Variants in LIPG observed in about 807,000 individuals in gnomAD.
LIPG encodes lipase G, endothelial type, also known as endothelial lipase.
Under a neutral mutation model 51.8 loss-of-function variants are expected in LIPG, and 34 were observed. The ratio of observed to expected loss-of-function variants is 0.66; its 90% CI spans 0.50 to 0.87. LIPG has a LOEUF of 0.87. Ranked by LOEUF, LIPG falls within the 40% of genes least tolerant of loss-of-function variation. The pLI is 0.00. For synonymous variants in LIPG, 246 were observed against 246.1 expected (o/e 1.00, Z 0.00); for missense variants, 580 against 652.7 (o/e 0.89, Z 1.21).
chr18:49,572,935 C>T (rs1048685471), intron 4 of LIPG, among the ~76,000 whole-genome samples: 17 of 152,156 alleles, frequency 1.1e-4, no homozygotes, highest in East Asian at 1.9e-4. Context: ...AGGCAGTTCT[C>T]CCTGTCATTC....
intron 5 of LIPG, among the ~76,000 whole-genome samples, chr18:49,579,769 T>TTTCCTTTCCTTTCCTTTCCTTTCC (rs1568533484): frequency 7.1e-5 from 2 of 27,988 alleles, no homozygotes; most frequent in African/African-American, 3.3e-4. Flanking sequence ...CTTTCCTTTC[T>TTTCCTTTCCTTTCCTTTCCTTTCC]TTTCTTTTCT....
chr18:49,563,877 AT>A (rs1225146005), intron 1 of LIPG, among the ~76,000 whole-genome samples: 7 of 152,126 alleles, frequency 4.6e-5, no homozygotes, highest in Non-Finnish European at 1.5e-5. Context: ...ATGTGGGTTT[AT>A]CCGCAGATCT....
Position 49,562,066 on chromosome 18 carries a change from T to G in LIPG, c.-243T>G, listed in dbSNP as rs2084555254. On this transcript the variant is annotated 5_prime_UTR_variant, in exon 1 of 10. Coordinates refer to ENST00000261292, the MANE Select transcript of LIPG (RefSeq NM_006033.4). Reference sequence around the variant, plus strand: ...TCTATAGGAGCGTGACAGCAGCGAGTCCTTGCCTCCCGGCGGCTCAGGACG... The same window carrying G: ...TCTATAGGAGCGTGACAGCAGCGAGGCCTTGCCTCCCGGCGGCTCAGGACG... The G allele has an allele frequency of 8.3e-6, 12 of 1,440,046 alleles. No individual in the cohort carries two copies. The highest frequency in any genetic ancestry group is 5.7e-5 in the Admixed American group (2 of 35,216). The allele number at this position is 1,440,046 out of a possible 1,614,324, so 89.2% of individuals were successfully genotyped here.
At chr18:49,562,649 C>A (rs1381975057) in intron 1 of LIPG, among the ~76,000 whole-genome samples, 1 of 151,978 alleles carries the variant, frequency 6.6e-6, no homozygotes, top group African/African-American at 2.4e-5. Flanking sequence ...AGCCCTCCCA[C>A]CCCCACCTCC....
chr18:49,582,546 G>A, intron 7 of LIPG, 64 bp downstream of exon 7: 1 of 1,602,294 alleles, frequency 6.2e-7, no homozygotes, highest in South Asian at 1.1e-5. Context: ...GAATGAGAGA[G>A]CACAAGGGAG....
intron 8 of LIPG, 37 bp downstream of exon 8, chr18:49,583,811 G>A: frequency 6.4e-7 from 1 of 1,557,124 alleles, no homozygotes; most frequent in Non-Finnish European, 8.8e-7. Flanking sequence ...CCTGGTGTAG[G>A]TGGGGAACAG....
Position 49,594,917 on chromosome 18 carries a change from C to T in LIPG, c.*4395C>T, listed in dbSNP as rs1238456349. 1 of 152,084 alleles carries T rather than the reference C, an allele frequency of 6.6e-6. No homozygotes were observed. Among genetic ancestry groups the T allele is most frequent in the African/African-American group, 2.4e-5 (1 of 41,412 alleles). 9.4% of individuals were successfully genotyped at this position (152,084 alleles called of 1,614,324 possible). ...TAGTAAAGAAAATTGTTGAAATTTCCCAAAGGAAGAGTCATAGCCTGGATG... is the reference window on the plus strand; with the variant it reads ...TAGTAAAGAAAATTGTTGAAATTTCTCAAAGGAAGAGTCATAGCCTGGATG... On this transcript the variant is annotated 3_prime_UTR_variant, in exon 10 of 10. Transcript: ENST00000261292.
chr18:49,590,835 T>G lies in LIPG; in HGVS notation c.*313T>G. The G allele has an allele frequency of 2.1e-6, 1 of 487,320 alleles. No individual in the cohort carries two copies. The highest frequency in any genetic ancestry group is 1.9e-5 in the African/African-American group (1 of 51,298). The allele number at this position is 487,320 out of a possible 1,614,324, so 30.2% of individuals were successfully genotyped here. On this transcript the variant is annotated 3_prime_UTR_variant, in exon 10 of 10. Coordinates refer to ENST00000261292, the MANE Select transcript of LIPG (RefSeq NM_006033.4). The stretch of plus-strand genomic sequence containing the variant: ...CTCTCGTGCACACTGGATTGGTTTC[T>G]CAGTTGCTGGGCGAGCCTGTACTCT...
Position 49,594,596 on chromosome 18 carries a change from A to G in LIPG, c.*4074A>G, listed in dbSNP as rs1046395421. 4.6e-5 allele frequency: 7 copies of G among 152,256 alleles called. No homozygotes were observed. The highest frequency in any genetic ancestry group is 1.4e-4 in the African/African-American group (6 of 41,472). The allele number at this position is 152,256 out of a possible 1,614,324, so 9.4% of individuals were successfully genotyped here. ...CGAGATAGACCAGAGTACCCTTTAA[A>G]TGATTAAATCCTGTAGTCAATTTTT... On this transcript the variant is annotated 3_prime_UTR_variant, in exon 10 of 10. Transcript: ENST00000261292.
rs2084979954 is a variant in LIPG, at chr18:49,595,898, A to T, written c.*5376A>T. 1 of 152,224 alleles carries T rather than the reference A, an allele frequency of 6.6e-6. No homozygotes were observed. Among genetic ancestry groups the T allele is most frequent in the Non-Finnish European group, 1.5e-5 (1 of 68,042 alleles). The allele number at this position is 152,224 out of a possible 1,614,324, so 9.4% of individuals were successfully genotyped here. On this transcript the variant is annotated 3_prime_UTR_variant, in exon 10 of 10. Transcript: ENST00000261292. The stretch of plus-strand genomic sequence containing the variant: ...TATATGCGGAAATTTTATGTATGAT[A>T]AAAGGGGCCTATTAGTCTTTGGGAA...
intron 8 of LIPG, among the ~76,000 whole-genome samples, chr18:49,586,311 T>C (rs6507930): frequency 0.85 from 130,085 of 152,232 alleles, 56,262 homozygotes; most frequent in African/African-American, 0.97. Flanking sequence ...TAGGGCATAA[T>C]GTTTTAAAAT....
chr18:49,583,781 G>GCCT lies in LIPG; in HGVS notation c.1376+11_1376+13dup, dbSNP rs780127285. 1.3e-5 allele frequency: 21 copies of GCCT among 1,605,934 alleles called. No individual in the cohort carries two copies. The South Asian group carries it at 1.9e-4, about 14-fold the overall frequency. Reference sequence around the variant, plus strand: ...CTGGGGAAACCCAGCGGAAGTAAGTGCCTCCTGCTCCTTCTTCTGCCTGGT... The same window carrying GCCT: ...CTGGGGAAACCCAGCGGAAGTAAGTGCCTCCTCCTGCTCCTTCTTCTGCCTGGT... On this transcript the variant is annotated splice_region_variant and intron_variant, in intron 8 of 9. Transcript: ENST00000261292.
chr18:49,581,425 G>A lies in LIPG; in HGVS notation c.804G>A (p.Glu268=). 1 of 1,614,216 alleles carries A rather than the reference G, an allele frequency of 6.2e-7. No individual in the cohort carries two copies. Among genetic ancestry groups the A allele is most frequent in the Admixed American group, 1.7e-5 (1 of 60,020 alleles). ...CTCTCCCACCCCCAGCAATCACAGA[G>A]GTGGTAAAATGTGAGCATGAGCGAG... ...LGSIAYGTIT[E]VVKCEHERAV... The change falls in exon 6 of 10, where the codon GAG becomes GAA. Residue 268 remains glutamate (E), a synonymous_variant. Coordinates refer to ENST00000261292, the MANE Select transcript of LIPG (RefSeq NM_006033.4).
intron 2 of LIPG, among the ~76,000 whole-genome samples, chr18:49,566,529 A>G (rs1386964390): frequency 6.6e-6 from 1 of 152,172 alleles, no homozygotes; most frequent in Non-Finnish European, 1.5e-5. Context: ...CTATTTGATA[A>G]TGTGCTTGTG....
intron 4 of LIPG, among the ~76,000 whole-genome samples, chr18:49,572,141 G>A (rs1232409256): frequency 6.6e-6 from 1 of 152,096 alleles, no homozygotes; most frequent in Non-Finnish European, 1.5e-5. Flanking sequence ...CCAACATGAT[G>A]AAACCCCATG....
intron 9 of LIPG, among the ~76,000 whole-genome samples, chr18:49,587,138 G>A (rs1250262914): frequency 6.6e-6 from 1 of 151,546 alleles, no homozygotes. Flanking sequence ...GCCGGGCATG[G>A]TGGTGTGTGC....
intron 2 of LIPG, among the ~76,000 whole-genome samples, chr18:49,567,229 T>C (rs2084614582): frequency 6.6e-6 from 1 of 151,968 alleles, no homozygotes; most frequent in Non-Finnish European, 1.5e-5. Context: ...CCAGTCACTC[T>C]GGAGGCTGAG....
At position 49,579,755 on chromosome 18, in the gene LIPG, TTTCC is replaced by T. The variant is rs1442721334; in HGVS notation, c.794-1657_794-1654del. 7.2e-4 allele frequency among the ~76,000 whole-genome samples: 95 copies of T among 131,956 alleles called. 3 individuals are homozygous for T. Among genetic ancestry groups the T allele is most frequent in the Middle Eastern group, 3.8e-3 (1 of 266 alleles). The allele number at this position is 131,956 out of a possible 152,430, so 86.6% of individuals were successfully genotyped here. ...GGATGATGGCCTTTCTTTCCTTTCC[TTTCC>T]TTTCCTTTCTTTTCTTTTCTTTTCT... On this transcript the variant is annotated intron_variant, in intron 5 of 9. Transcript: ENST00000261292.
intron 1 of LIPG, among the ~76,000 whole-genome samples, chr18:49,564,735 G>A (rs1227329146): frequency 6.6e-6 from 1 of 152,218 alleles, no homozygotes; most frequent in Non-Finnish European, 1.5e-5. Flanking sequence ...GGCCTTACCT[G>A]ATCTGAACTT....
Sources: allele counts gnomAD v4.1 joint callset (sites outside exome capture counted in the v4.1 genomes callset), GRCh38; gene constraint gnomAD v4.1.1; transcripts MANE v1.5; gene names NCBI Gene and HGNC (gene_info 2026-07-23, HGNC 2026-07-21).